SUB1: variants seen among roughly 807,000 people sequenced by gnomAD.
SUB1 encodes SUB1 regulator of transcription.
SUB1 carries 1 observed loss-of-function variant against 16.9 expected under a neutral mutation model. That is an observed-to-expected ratio of 0.06 (90% CI 0.02 to 0.28). SUB1 has a LOEUF of 0.28. SUB1 is among the 10% of genes least tolerant of loss of function. The pLI is 1.00. For synonymous variants in SUB1, 51 were observed against 46.9 expected (o/e 1.09, Z -0.36); for missense variants, 84 against 145.2 (o/e 0.58, Z 2.16).
chr5:32,588,369 C>T, intron 1 of SUB1, 143 bp from the exon 2 acceptor site: 1 of 667,942 alleles, frequency 1.5e-6, no homozygotes, highest in Non-Finnish European at 2.5e-6. Context: ...AAAACTTGTG[C>T]TCAGTGTAAC....
chr5:32,598,820 C>A, intron 3 of SUB1, 141 bp from the exon 4 acceptor site: 1 of 642,012 alleles, frequency 1.6e-6, no homozygotes, highest in Non-Finnish European at 2.7e-6. Context: ...CAGTTCAGAG[C>A]CATGTTGTTC....
At chr5:32,596,206 CTT>C (rs1365360804) in intron 3 of SUB1, 4 of 152,306 alleles carry the variant, frequency 2.6e-5, no homozygotes, top group African/African-American at 7.2e-5. Context: ...TCTTCTCTCT[CTT>C]GGAAATGAGG....
chr5:32,597,860 AAAG>A (rs1311071202), intron 3 of SUB1: 37 of 152,320 alleles, frequency 2.4e-4, no homozygotes, highest in African/African-American at 8.7e-4. Flanking sequence ...AAGCTAGAGA[AAAG>A]AAAATATTAC....
chr5:32,593,009 C>T (rs147265017), intron 3 of SUB1, among the ~76,000 whole-genome samples: 11 of 152,122 alleles, frequency 7.2e-5, no homozygotes, highest in African/African-American at 2.4e-5. Context: ...TTGGGTGGAA[C>T]GAGACTACAA....
At chr5:32,595,174 G>A (rs1198926104) in intron 3 of SUB1, 1 of 142,692 alleles carries the variant, frequency 7.0e-6, no homozygotes, top group Non-Finnish European at 1.5e-5. Flanking sequence ...GCAGCTGTTG[G>A]GCAGATTCCT....
Position 32,603,122 on chromosome 5 carries a change from C to G in SUB1, c.*2038C>G, listed in dbSNP as rs749651890. The G allele has an allele frequency of 5.9e-5, 9 of 152,058 alleles. No homozygotes were observed. Among genetic ancestry groups the G allele is most frequent in the Non-Finnish European group, 1.2e-4 (8 of 67,982 alleles). 9.4% of individuals were successfully genotyped at this position (152,058 alleles called of 1,614,324 possible). ...GTTCAGCATTATGTTAATGAAGCCT[C>G]CATATAAGGAGTGTTTCTCTGGCAC... On this transcript the variant is annotated 3_prime_UTR_variant, in exon 5 of 5. Transcript: ENST00000265073.
At chr5:32,594,468 TTTAAA>T in intron 3 of SUB1, 1 of 334,330 alleles carries the variant, frequency 3.0e-6, no homozygotes, top group Non-Finnish European at 6.2e-6. Flanking sequence ...ACTTGATACT[TTTAAA>T]TTATTTAATT....
intron 3 of SUB1, among the ~76,000 whole-genome samples, chr5:32,594,124 A>G (rs1264559782): frequency 6.6e-6 from 1 of 152,244 alleles, no homozygotes; most frequent in Non-Finnish European, 1.5e-5. Context: ...CTCTAAATGT[A>G]TTAAAGAGTT....
chr5:32,585,731 G>A (rs998862540), intron 1 of SUB1, 106 bp downstream of exon 1: 3 of 152,028 alleles, frequency 2.0e-5, no homozygotes. Flanking sequence ...AATGGCCGCG[G>A]GAAATGGCGG....
intron 2 of SUB1, among the ~76,000 whole-genome samples, chr5:32,589,318 C>T (rs1415635149): frequency 6.6e-6 from 1 of 152,138 alleles, no homozygotes; most frequent in South Asian, 2.1e-4. Context: ...AACTCCTGGC[C>T]TCAGGCAATT....
rs1739136590 is a variant in SUB1, at chr5:32,602,359, T to C, written c.*1275T>C. ...ATCTAAATGATATACATATGATATT[T>C]TGAGATTTTTATAACAGCAGTGGAA... On this transcript the variant is annotated 3_prime_UTR_variant, in exon 5 of 5. Transcript: ENST00000265073. 3.1e-6 allele frequency: 1 copy of C among 325,192 alleles called. No individual in the cohort carries two copies. Among genetic ancestry groups the C allele is most frequent in the Non-Finnish European group, 6.1e-6 (1 of 164,260 alleles). The allele number at this position is 325,192 out of a possible 1,614,324, so 20.1% of individuals were successfully genotyped here. A position where few individuals can be genotyped will look rare whatever the true frequency, so the allele number is the denominator to read the frequency against.
chr5:32,587,094 A>T (rs1008461542), intron 1 of SUB1, among the ~76,000 whole-genome samples: 2 of 152,122 alleles, frequency 1.3e-5, no homozygotes, highest in African/African-American at 4.8e-5. Context: ...GAAATTAGCT[A>T]ATTTATGCCT....
At chr5:32,599,190 C>T in intron 4 of SUB1, 121 bp downstream of exon 4, 2 of 680,084 alleles carry the variant, frequency 2.9e-6, no homozygotes, top group South Asian at 1.8e-5. Context: ...TCAATTGATT[C>T]TCTATCTTCT....
At position 32,602,078 on chromosome 5, in the gene SUB1, C is replaced by T; in HGVS notation, c.*994C>T. 3.0e-6 allele frequency: 1 copy of T among 330,112 alleles called. No individual in the cohort carries two copies. 20.4% of individuals were successfully genotyped at this position (330,112 alleles called of 1,614,324 possible). On this transcript the variant is annotated 3_prime_UTR_variant, in exon 5 of 5. Transcript: ENST00000265073. ...TTGTAGGGAAAAGAGCATATGAGCA[C>T]ATGCTTGTGTATTTTGGCCTTTGCC...
intron 2 of SUB1, 149 bp downstream of exon 2, chr5:32,588,733 A>C (rs1019388925): frequency 1.4e-6 from 1 of 694,920 alleles, no homozygotes; most frequent in East Asian, 3.1e-5. Flanking sequence ...CTTCTTTGGG[A>C]GGCCGAGGTG....
chr5:32,589,734 G>T (rs530725295), intron 2 of SUB1, among the ~76,000 whole-genome samples: 2 of 152,304 alleles, frequency 1.3e-5, no homozygotes, highest in South Asian at 4.1e-4. Flanking sequence ...CCTAGAAATA[G>T]AATAAGTTGG....
chr5:32,594,535 G>T (rs1738907448), intron 3 of SUB1: 1 of 446,438 alleles, frequency 2.2e-6, no homozygotes, highest in African/African-American at 2.0e-5. Flanking sequence ...CCATAGAATT[G>T]TTTTTTAATT....
In SUB1 at chr5:32,601,143, C is replaced by T. The variant is rs2111689817; in HGVS notation, c.*59C>T. ...CTAGTTGTTTTAATCTGTCTTTTTA[C>T]ATTGGCTTTTGTTTTCTAAATGTTC... On this transcript the variant is annotated 3_prime_UTR_variant, in exon 5 of 5. Transcript: ENST00000265073. 1 of 1,374,692 alleles carries T rather than the reference C, an allele frequency of 7.3e-7. No homozygotes were observed. Among genetic ancestry groups the T allele is most frequent in the Non-Finnish European group, 1.0e-6 (1 of 982,782 alleles). The allele number at this position is 1,374,692 out of a possible 1,614,324, so 85.2% of individuals were successfully genotyped here.
intron 2 of SUB1, among the ~76,000 whole-genome samples, chr5:32,590,762 A>ATTTTTTTTTTTTATT (rs1738801824): frequency 2.9e-5 from 1 of 33,960 alleles, no homozygotes; most frequent in African/African-American, 1.1e-4. Flanking sequence ...CGCCTGGCTA[A>ATTTTTTTTTTTTATT]TTTTTTTTTT....
Sources: gnomAD v4.1 joint callset for allele counts (sites outside exome capture counted in the v4.1 genomes callset) on GRCh38, gnomAD v4.1.1 for gene constraint, MANE v1.5 for transcripts, NCBI Gene and HGNC (gene_info 2026-07-23, HGNC 2026-07-21) for gene names.